The following AUTS2 variants were observed in gnomAD, a reference collection of about 807,000 sequenced individuals.
AUTS2 encodes autism susceptibility gene 2 protein.
A neutral mutation model predicts 112.4 loss-of-function variants in AUTS2; 17 were observed. The observed-to-expected ratio is 0.15, with a 90% CI of 0.10 to 0.23. The LOEUF (loss-of-function observed/expected upper bound fraction) is 0.23, where lower values mean the gene tolerates loss of function less well. Ranked by LOEUF, AUTS2 falls within the 10% of genes least tolerant of loss-of-function variation. AUTS2 has a pLI of 1.00. For synonymous variants in AUTS2, 751 were observed against 702.7 expected (o/e 1.07, Z -1.09); for missense variants, 1,510 against 1,701.6 (o/e 0.89, Z 1.98).
chr7:70,460,016 A>G lies in AUTS2; in HGVS notation c.690+24235A>G, dbSNP rs534317082. On this transcript the variant is annotated intron_variant, in intron 5 of 18. Coordinates refer to ENST00000342771, the MANE Select transcript of AUTS2 (RefSeq NM_015570.4). ...CAAGGCCCCATGGACCAGGCCCCCA[A>G]TAGACGTTACTTCATTCAGTCATCC... Among the ~76,000 whole-genome samples, 43 of 152,260 alleles carry G rather than the reference A, an allele frequency of 2.8e-4. No individual in the cohort carries two copies. The South Asian group carries it at 3.7e-3, about 13-fold the overall frequency.
At chr7:70,772,709 T>A (rs1226431948) in intron 11 of AUTS2, among the ~76,000 whole-genome samples, 4 of 152,238 alleles carry the variant, frequency 2.6e-5, no homozygotes, top group African/African-American at 9.6e-5. Context: ...ATTCAGTTCA[T>A]CTATTGAATT....
chr7:70,248,808 A>C (rs1420104888), intron 4 of AUTS2, among the ~76,000 whole-genome samples: 2 of 152,210 alleles, frequency 1.3e-5, no homozygotes, highest in East Asian at 3.8e-4. Flanking sequence ...ATAATGATGA[A>C]TACAGGGACT....
intron 4 of AUTS2, among the ~76,000 whole-genome samples, chr7:70,252,854 A>C (rs1435568387): frequency 6.6e-6 from 1 of 152,070 alleles, no homozygotes; most frequent in Non-Finnish European, 1.5e-5. Flanking sequence ...TCTTTTCTCC[A>C]TTGTGTGCTA....
At chr7:70,415,176 G>T (rs1013402403) in intron 4 of AUTS2, among the ~76,000 whole-genome samples, 30 of 152,152 alleles carry the variant, frequency 2.0e-4, no homozygotes, top group Admixed American at 8.5e-4. Context: ...GTAGGTCTTT[G>T]TCCCATTCCC....
At chr7:70,430,687 A>G (rs1289287882) in intron 4 of AUTS2, among the ~76,000 whole-genome samples, 1 of 152,242 alleles carries the variant, frequency 6.6e-6, no homozygotes, top group Non-Finnish European at 1.5e-5. Context: ...TTGAAAAGAC[A>G]GTCGCAGACA....
chr7:69,887,167 A>G (rs1441095371), intron 1 of AUTS2, among the ~76,000 whole-genome samples: 3 of 152,066 alleles, frequency 2.0e-5, no homozygotes, highest in Non-Finnish European at 4.4e-5. Context: ...TAATCCCAGC[A>G]CTTTGGGAAG....
intron 2 of AUTS2, among the ~76,000 whole-genome samples, chr7:69,971,192 C>T (rs1020259078): frequency 2.0e-5 from 3 of 151,960 alleles, no homozygotes; most frequent in Admixed American, 6.6e-5. Flanking sequence ...AACCATTTTT[C>T]CCCCCTAAAT....
chr7:69,701,143 C>T (rs1797785207), intron 1 of AUTS2, among the ~76,000 whole-genome samples: 1 of 152,110 alleles, frequency 6.6e-6, no homozygotes, highest in African/African-American at 2.4e-5. Context: ...TAGAACAGTA[C>T]CTGCCTCATC....
intron 1 of AUTS2, among the ~76,000 whole-genome samples, chr7:69,734,211 C>G (rs1786928065): frequency 6.6e-6 from 1 of 152,084 alleles, no homozygotes; most frequent in Non-Finnish European, 1.5e-5. Flanking sequence ...AAGCTGTCTC[C>G]TAGACAAGAG....
chr7:70,388,287 T>G (rs1793703338), intron 4 of AUTS2, among the ~76,000 whole-genome samples: 1 of 152,156 alleles, frequency 6.6e-6, no homozygotes, highest in Non-Finnish European at 1.5e-5. Context: ...TGTCTTGTAT[T>G]TCCATTATTT....
chr7:70,303,434 G>GCACACACACACACACACA (rs1427875852), intron 4 of AUTS2, among the ~76,000 whole-genome samples: 83 of 142,048 alleles, frequency 5.8e-4, no homozygotes, highest in East Asian at 4.5e-3. Context: ...GCGCGCGCGC[G>GCACACACACACACACACA]CACATACACA....
intron 1 of AUTS2, among the ~76,000 whole-genome samples, chr7:69,779,721 T>C (rs897630676): frequency 1.5e-5 from 2 of 134,724 alleles, no homozygotes; most frequent in Non-Finnish European, 3.1e-5. Context: ...CCGAGATTGC[T>C]CCACTGCACT....
At chr7:70,258,371 A>G (rs1456145981) in intron 4 of AUTS2, among the ~76,000 whole-genome samples, 1 of 152,288 alleles carries the variant, frequency 6.6e-6, no homozygotes. Flanking sequence ...TTTTCACGCA[A>G]TTTTCATAAT....
intron 2 of AUTS2, among the ~76,000 whole-genome samples, chr7:70,110,899 G>A (rs1377288864): frequency 9.4e-6 from 1 of 106,586 alleles, no homozygotes; most frequent in Non-Finnish European, 1.7e-5. Flanking sequence ...GTCTCGCTCT[G>A]TCGCCCCAGT....
At chr7:70,526,220 G>A (rs926584382) in intron 5 of AUTS2, among the ~76,000 whole-genome samples, 31 of 152,062 alleles carry the variant, frequency 2.0e-4, no homozygotes, top group African/African-American at 5.1e-4. Context: ...CTTGCCATAC[G>A]CAGCTGAGTC....
At chr7:69,602,800 A>T (rs920780121) in intron 1 of AUTS2, among the ~76,000 whole-genome samples, 5 of 152,244 alleles carry the variant, frequency 3.3e-5, no homozygotes, top group Admixed American at 3.3e-4. Context: ...AATAGAAATC[A>T]TCATATATGT....
chr7:69,635,986 G>A (rs1275292257), intron 1 of AUTS2, among the ~76,000 whole-genome samples: 4 of 152,158 alleles, frequency 2.6e-5, no homozygotes, highest in African/African-American at 7.2e-5. Context: ...TTGTTTTGAC[G>A]CTAATTGAAC....
intron 4 of AUTS2, among the ~76,000 whole-genome samples, chr7:70,223,865 TTTGG>T (rs1297485794): frequency 6.6e-6 from 1 of 151,552 alleles, no homozygotes; most frequent in East Asian, 1.9e-4. Flanking sequence ...TTTTTTTTTT[TTTGG>T]TTGGTTTGTT....
chr7:70,632,764 T>C (rs563507659), intron 5 of AUTS2, among the ~76,000 whole-genome samples: 95 of 152,200 alleles, frequency 6.2e-4, no homozygotes, highest in Non-Finnish European at 1.2e-3. Context: ...ATCCCACAGC[T>C]CATGCCATTA....
Sources: allele counts gnomAD v4.1 joint callset (sites outside exome capture counted in the v4.1 genomes callset), GRCh38; gene constraint gnomAD v4.1.1; transcripts MANE v1.5; gene names NCBI Gene and HGNC (gene_info 2026-07-23, HGNC 2026-07-21).